The following HSD17B12 variants were observed in gnomAD, a reference collection of about 807,000 sequenced individuals.
The protein encoded by HSD17B12 is very-long-chain 3-oxoacyl-CoA reductase.
A neutral mutation model predicts 39.3 loss-of-function variants in HSD17B12; 32 were observed. That is an observed-to-expected ratio of 0.81 (90% CI 0.61 to 1.09). HSD17B12 has a LOEUF of 1.09. Ranked by LOEUF, HSD17B12 falls within the 50% of genes least tolerant of loss-of-function variation. HSD17B12 has a pLI of 0.00. For synonymous variants in HSD17B12, 150 were observed against 146.7 expected (o/e 1.02, Z -0.16); for missense variants, 342 against 382.9 (o/e 0.89, Z 0.89).
the HSD17B12 span, among the ~76,000 whole-genome samples, chr11:43,565,810 A>G: frequency 2.6e-5 from 4 of 152,362 alleles, no homozygotes; most frequent in Admixed American, 1.3e-4. Flanking sequence ...TCATCCTAGA[A>G]GTAATTTTTT....
intron 7 of HSD17B12, chr11:43,833,848 A>C (rs1951339420): frequency 6.6e-6 from 1 of 152,198 alleles, no homozygotes; most frequent in Non-Finnish European, 1.5e-5. Context: ...AATACCTATA[A>C]TCAAACTAAG....
chr11:43,765,211 T>G (rs910419705), intron 3 of HSD17B12, among the ~76,000 whole-genome samples: 1 of 152,086 alleles, frequency 6.6e-6, no homozygotes, highest in African/African-American at 2.4e-5. Context: ...TTTCTTGTAG[T>G]CTGGTCTGCT....
At chr11:43,684,213 G>A (rs758792276) in intron 1 of HSD17B12, among the ~76,000 whole-genome samples, 14 of 152,010 alleles carry the variant, frequency 9.2e-5, no homozygotes, top group African/African-American at 3.1e-4. Flanking sequence ...AGCCAATTTA[G>A]TAAGTAAGAC....
chr11:43,719,764 A>C (rs927200588), intron 1 of HSD17B12, among the ~76,000 whole-genome samples: 15 of 152,082 alleles, frequency 9.9e-5, no homozygotes, highest in Non-Finnish European at 1.0e-4. Context: ...TTTCATAAGA[A>C]ATAGGTCATA....
the HSD17B12 span, among the ~76,000 whole-genome samples, chr11:43,583,300 C>G: frequency 1.3e-5 from 2 of 152,354 alleles, no homozygotes; most frequent in East Asian, 3.9e-4. Context: ...CAAGGAGCAA[C>G]GGCCGAACCC....
At chr11:43,706,000 T>C (rs1320175822) in intron 1 of HSD17B12, among the ~76,000 whole-genome samples, 1 of 151,976 alleles carries the variant, frequency 6.6e-6, no homozygotes. Context: ...ATTTTTAAAA[T>C]AGAAATGGTG....
At chr11:43,664,438 T>C in the HSD17B12 span, among the ~76,000 whole-genome samples, 1 of 152,194 alleles carries the variant, frequency 6.6e-6, no homozygotes, top group African/African-American at 2.4e-5. Flanking sequence ...GCCTCAGAGT[T>C]CATTCCTCAG....
At chr11:43,617,696 A>G in the HSD17B12 span, among the ~76,000 whole-genome samples, 1 of 152,128 alleles carries the variant, frequency 6.6e-6, no homozygotes, top group African/African-American at 2.4e-5. Context: ...CCCAGCACAC[A>G]GCAGGAATAC....
the HSD17B12 span, among the ~76,000 whole-genome samples, chr11:43,606,804 G>A: frequency 6.6e-6 from 1 of 152,192 alleles, no homozygotes; most frequent in East Asian, 1.9e-4. Flanking sequence ...CTTCCAATGT[G>A]AGGCCAAGCG....
intron 2 of HSD17B12, among the ~76,000 whole-genome samples, chr11:43,752,477 G>T (rs992042572): frequency 1.3e-5 from 2 of 152,106 alleles, no homozygotes; most frequent in Non-Finnish European, 2.9e-5. Flanking sequence ...ACTTTGGGAG[G>T]CTGAGGTGGG....
intron 1 of HSD17B12, among the ~76,000 whole-genome samples, chr11:43,710,490 AC>A (rs1950054956): frequency 6.6e-6 from 1 of 152,150 alleles, no homozygotes; most frequent in African/African-American, 2.4e-5. Flanking sequence ...GGATATGTAA[AC>A]TTTTAGTGAT....
At chr11:43,696,640 A>G (rs955131824) in intron 1 of HSD17B12, among the ~76,000 whole-genome samples, 1 of 152,208 alleles carries the variant, frequency 6.6e-6, no homozygotes, top group Non-Finnish European at 1.5e-5. Flanking sequence ...CAGAAATACC[A>G]TGTGAGCAAT....
In HSD17B12 at chr11:43,748,919, A is replaced by G. The variant is rs1372876104; in HGVS notation, c.161-1992A>G. Among the ~76,000 whole-genome samples, 5 of 152,224 alleles carry G rather than the reference A, an allele frequency of 3.3e-5. No homozygotes were observed. In the East Asian group the frequency reaches 9.6e-4, roughly 29 times the overall value. On this transcript the variant is annotated intron_variant, in intron 1 of 10. Transcript: ENST00000278353. ...AATGAGGAATAATTTGTCTCTGGAA[A>G]TATTCCAGCTAATAGATGAAGATGA...
intron 3 of HSD17B12, among the ~76,000 whole-genome samples, chr11:43,775,929 G>T (rs1340147201): frequency 1.3e-5 from 2 of 151,978 alleles, no homozygotes; most frequent in Non-Finnish European, 2.9e-5. Flanking sequence ...CCCTACGAAG[G>T]ACATGAACTC....
At chr11:43,599,672 T>A in the HSD17B12 span, among the ~76,000 whole-genome samples, 2 of 152,240 alleles carry the variant, frequency 1.3e-5, no homozygotes, top group Non-Finnish European at 2.9e-5. Flanking sequence ...TTGTTTTCAC[T>A]TTTAAAGATA....
At chr11:43,821,502 C>A (rs1297019513) in intron 6 of HSD17B12, among the ~76,000 whole-genome samples, 1 of 152,178 alleles carries the variant, frequency 6.6e-6, no homozygotes, top group Non-Finnish European at 1.5e-5. Flanking sequence ...GAACAATGAC[C>A]TTTATCCCAG....
the HSD17B12 span, among the ~76,000 whole-genome samples, chr11:43,638,478 G>A: frequency 6.6e-6 from 1 of 152,128 alleles, no homozygotes; most frequent in African/African-American, 2.4e-5. Flanking sequence ...CTAATTTTAT[G>A]CTAAACAGTT....
At chr11:43,752,801 C>G (rs1383331476) in intron 2 of HSD17B12, among the ~76,000 whole-genome samples, 5 of 152,050 alleles carry the variant, frequency 3.3e-5, no homozygotes, top group African/African-American at 1.2e-4. Context: ...TTCCTTATCC[C>G]TCTTGCCCTA....
At chr11:43,655,211 G>A in the HSD17B12 span, among the ~76,000 whole-genome samples, 1 of 152,132 alleles carries the variant, frequency 6.6e-6, no homozygotes, top group African/African-American at 2.4e-5. Context: ...CTGTTTGTCT[G>A]TTATTGGTGT....
Sources: allele counts gnomAD v4.1 joint callset (sites outside exome capture counted in the v4.1 genomes callset), GRCh38; gene constraint gnomAD v4.1.1; transcripts MANE v1.5; gene names NCBI Gene and HGNC (gene_info 2026-07-23, HGNC 2026-07-21).